The following PSD3 variants were observed in gnomAD, a reference collection of about 807,000 sequenced individuals.
PSD3 encodes the protein pleckstrin and Sec7 domain containing 3, also known as PH and SEC7 domain-containing protein 3.
In PSD3, 49 loss-of-function variants were observed where a neutral mutation model predicts 105.5. That is an observed-to-expected ratio of 0.46 (90% CI 0.37 to 0.59). The LOEUF is 0.59. PSD3 is among the 20% of genes least tolerant of loss of function. The probability of loss-of-function intolerance (pLI) is 0.00; values close to 1 mark genes in which losing one functional copy is unlikely to be tolerated. For synonymous variants in PSD3, 557 were observed against 457.8 expected (o/e 1.22, Z -2.77); for missense variants, 1,561 against 1,263.8 (o/e 1.24, Z -3.57).
chr8:18,741,627 T>C (rs888920745), intron 9 of PSD3, among the ~76,000 whole-genome samples: 2 of 152,196 alleles, frequency 1.3e-5, no homozygotes, highest in African/African-American at 4.8e-5. Context: ...TAGCTACATA[T>C]GTCGGCACCT....
chr8:18,577,866 C>T (rs1802558252), intron 12 of PSD3, among the ~76,000 whole-genome samples: 1 of 152,064 alleles, frequency 6.6e-6, no homozygotes. Flanking sequence ...CGCTCACCTG[C>T]TTCTTTCTTT....
rs369443792 is a variant in PSD3, at chr8:18,966,825, T to C, written c.22-30683A>G. ...TATTTAAATATATTTTTAAATGAAATGCAAAATTGGCATAAAATTTTCAAA... is the reference window on the plus strand; with the variant it reads ...TATTTAAATATATTTTTAAATGAAACGCAAAATTGGCATAAAATTTTCAAA... On this transcript the variant is annotated intron_variant, in intron 1 of 15. Transcript: ENST00000327040. 2.6e-5 allele frequency among the ~76,000 whole-genome samples: 4 copies of C among 152,274 alleles called. No homozygotes were observed. In the East Asian group the frequency reaches 7.7e-4, roughly 29 times the overall value.
intron 4 of PSD3, among the ~76,000 whole-genome samples, chr8:18,810,406 C>G (rs1331656559): frequency 6.6e-6 from 1 of 152,120 alleles, no homozygotes; most frequent in Non-Finnish European, 1.5e-5. Context: ...AAACTGACAT[C>G]AGTAGAATAC....
chr8:18,825,000 C>T (rs1235399245), intron 4 of PSD3, among the ~76,000 whole-genome samples: 3 of 152,130 alleles, frequency 2.0e-5, no homozygotes, highest in South Asian at 2.1e-4. Context: ...AAAATACACA[C>T]ATACAATGTT....
intron 13 of PSD3, among the ~76,000 whole-genome samples, chr8:18,573,255 A>C (rs1458497128): frequency 6.6e-6 from 1 of 152,156 alleles, no homozygotes. Flanking sequence ...AGATCACGTG[A>C]GGTCAGGAGT....
At chr8:18,749,593 A>T (rs1196737683) in intron 9 of PSD3, among the ~76,000 whole-genome samples, 2 of 152,226 alleles carry the variant, frequency 1.3e-5, no homozygotes, top group Non-Finnish European at 2.9e-5. Flanking sequence ...ATTATTCTGG[A>T]TTATCTGGGT....
intron 10 of PSD3, among the ~76,000 whole-genome samples, chr8:18,648,922 T>C (rs1808258536): frequency 6.6e-6 from 1 of 152,218 alleles, no homozygotes; most frequent in Non-Finnish European, 1.5e-5. Flanking sequence ...AGCCTATGGG[T>C]ATGCAGAATG....
At chr8:18,802,065 C>T (rs1366894254) in intron 6 of PSD3, among the ~76,000 whole-genome samples, 1 of 152,120 alleles carries the variant, frequency 6.6e-6, no homozygotes, top group South Asian at 2.1e-4. Flanking sequence ...TGTTACATGA[C>T]TGTCATCTCT....
intron 12 of PSD3, among the ~76,000 whole-genome samples, chr8:18,579,356 G>A (rs1585291854): frequency 6.6e-6 from 1 of 152,190 alleles, no homozygotes; most frequent in South Asian, 2.1e-4. Context: ...GTGAAACAGT[G>A]AGCAAGATAA....
At chr8:18,588,804 G>C (rs886794459) in intron 12 of PSD3, among the ~76,000 whole-genome samples, 1 of 152,152 alleles carries the variant, frequency 6.6e-6, no homozygotes, top group African/African-American at 2.4e-5. Flanking sequence ...ACATTTATCT[G>C]AGGGAGAGGA....
chr8:18,801,181 C>T (rs986045605), intron 7 of PSD3, 89 bp downstream of exon 7: 23 of 742,302 alleles, frequency 3.1e-5, no homozygotes, highest in Non-Finnish European at 5.1e-5. Context: ...ACTGAAGATA[C>T]ATAATTTCTC....
At chr8:18,893,379 C>A (rs1371714812) in intron 2 of PSD3, among the ~76,000 whole-genome samples, 1 of 152,306 alleles carries the variant, frequency 6.6e-6, no homozygotes, top group East Asian at 1.9e-4. Flanking sequence ...CAAATGGCAT[C>A]TAAGTGGGCA....
At chr8:18,609,636 G>C (rs1043256169) in intron 11 of PSD3, among the ~76,000 whole-genome samples, 7 of 152,196 alleles carry the variant, frequency 4.6e-5, no homozygotes, top group Admixed American at 1.3e-4. Context: ...TTGATAAGAA[G>C]GGAGTTCTGA....
At chr8:18,742,501 A>G (rs1247804633) in intron 9 of PSD3, among the ~76,000 whole-genome samples, 2 of 152,222 alleles carry the variant, frequency 1.3e-5, no homozygotes, top group Non-Finnish European at 2.9e-5. Context: ...AAATATAAGC[A>G]TATTCTTTGA....
intron 9 of PSD3, among the ~76,000 whole-genome samples, chr8:18,741,944 G>A (rs1804613935): frequency 6.6e-6 from 1 of 152,086 alleles, no homozygotes; most frequent in Non-Finnish European, 1.5e-5. Flanking sequence ...AAAATAGCTG[G>A]TCAACCAGTA....
chr8:18,934,370 G>C (rs2129468914), intron 2 of PSD3, among the ~76,000 whole-genome samples: 1 of 152,334 alleles, frequency 6.6e-6, no homozygotes, highest in Middle Eastern at 3.4e-3. Context: ...ATTAACAGCA[G>C]CCAACACTTT....
rs144127302 is a variant in PSD3, at chr8:19,040,461, C to T, written c.324+43745G>A. On this transcript the variant is annotated intron_variant, in intron 1 of 1. Transcript: ENST00000521475. The stretch of plus-strand genomic sequence containing the variant: ...GCTCAAGTGATCCACATGCCTCTGC[C>T]TCCCAAAGTGTTGGGATTATAGGCG... Among the ~76,000 whole-genome samples, 1,031 of 152,276 alleles carry T rather than the reference C, an allele frequency of 6.8e-3. 12 individuals are homozygous for T. The highest frequency in any genetic ancestry group is 0.023 in the African/African-American group (964 of 41,552).
chr8:18,806,461 A>G (rs1811209267), intron 4 of PSD3, among the ~76,000 whole-genome samples: 1 of 152,190 alleles, frequency 6.6e-6, no homozygotes, highest in Admixed American at 6.5e-5. Context: ...ACTAATGAGG[A>G]TACATTAATT....
At chr8:18,763,743 G>A (rs78292221) in intron 9 of PSD3, among the ~76,000 whole-genome samples, 4,093 of 152,208 alleles carry the variant, frequency 0.027, 186 homozygotes, top group African/African-American at 0.091. Flanking sequence ...GAAATTTTCA[G>A]TAAAACCCAT....
Sources: allele counts gnomAD v4.1 joint callset (sites outside exome capture counted in the v4.1 genomes callset), GRCh38; gene constraint gnomAD v4.1.1; transcripts MANE v1.5; gene names NCBI Gene and HGNC (gene_info 2026-07-23, HGNC 2026-07-21).